The following APBA2 variants were observed in gnomAD, a reference collection of about 807,000 sequenced individuals.
APBA2 encodes amyloid beta precursor protein binding family A member 2.
A neutral mutation model predicts 75.0 loss-of-function variants in APBA2; 30 were observed. The ratio of observed to expected loss-of-function variants is 0.40; its 90% CI spans 0.30 to 0.54. The LOEUF (loss-of-function observed/expected upper bound fraction) is 0.54. Among genes scored for constraint, APBA2 ranks in the 20% least tolerant of loss-of-function variants. The pLI, the probability that APBA2 is intolerant of heterozygous loss-of-function variation, is 0.49. For missense variants in APBA2, 801 were observed against 1,016.1 expected, an observed-to-expected ratio of 0.79 and a Z score of 2.88; for synonymous variants, 444 against 409.6, an observed-to-expected ratio of 1.08 and a Z score of -1.01.
chr15:29,042,844 C>G (rs2041119978), intron 3 of APBA2, among the ~76,000 whole-genome samples: 2 of 152,096 alleles, frequency 1.3e-5, no homozygotes, highest in Admixed American at 6.5e-5. Flanking sequence ...CAGTGTACTT[C>G]TTTGCACGGG....
intron 2 of APBA2, among the ~76,000 whole-genome samples, chr15:28,949,137 A>C (rs1293437338): frequency 1.3e-5 from 2 of 151,744 alleles, no homozygotes; most frequent in Non-Finnish European, 2.9e-5. Context: ...GGAATCAATC[A>C]CCCGGACAGG....
chr15:28,887,300 C>T (rs1055945586), intron 1 of APBA2, among the ~76,000 whole-genome samples: 1 of 152,144 alleles, frequency 6.6e-6, no homozygotes, highest in African/African-American at 2.4e-5. Flanking sequence ...ACCTCCTGTG[C>T]CTCTTTCTGT....
At position 29,091,964 on chromosome 15, in the gene APBA2, G is replaced by A. The variant is rs570821281; in HGVS notation, c.1070-1111G>A. On this transcript the variant is annotated intron_variant, in intron 6 of 14. Coordinates refer to ENST00000683413, the MANE Select transcript of APBA2 (RefSeq NM_001353788.2). Reference sequence around the variant, plus strand: ...CCAGTGGAAGGGGCTCTGGCCAGGAGGTGGGCAGTCGGGAGGGATAAAGCA... The same window carrying A: ...CCAGTGGAAGGGGCTCTGGCCAGGAAGTGGGCAGTCGGGAGGGATAAAGCA... 5.3e-5 allele frequency among the ~76,000 whole-genome samples: 8 copies of A among 152,332 alleles called. No individual in the cohort carries two copies. In the East Asian group the frequency reaches 1.5e-3, roughly 29 times the overall value.
chr15:28,947,344 C>T (rs577136731), intron 2 of APBA2, among the ~76,000 whole-genome samples: 14 of 152,286 alleles, frequency 9.2e-5, no homozygotes, highest in Admixed American at 5.9e-4. Flanking sequence ...GCTGACTGGC[C>T]GTCCTCGTGG....
intron 10 of APBA2, among the ~76,000 whole-genome samples, chr15:29,104,023 C>G (rs1036368029): frequency 3.3e-5 from 5 of 152,230 alleles, no homozygotes; most frequent in Non-Finnish European, 7.3e-5. Context: ...CGGCTTAGGG[C>G]CCGTCAGGGA....
At chr15:28,985,359 A>T (rs1022971008) in intron 2 of APBA2, among the ~76,000 whole-genome samples, 1 of 152,162 alleles carries the variant, frequency 6.6e-6, no homozygotes, top group Non-Finnish European at 1.5e-5. Flanking sequence ...GGCAGTGAAT[A>T]ATGAGAACAA....
intron 1 of APBA2, among the ~76,000 whole-genome samples, chr15:28,893,695 A>G (rs1181257926): frequency 6.6e-6 from 1 of 152,060 alleles, no homozygotes; most frequent in Non-Finnish European, 1.5e-5. Flanking sequence ...ATCGTTTTGC[A>G]GGTTGGATGT....
intron 3 of APBA2, among the ~76,000 whole-genome samples, chr15:29,012,381 A>G (rs1384205297): frequency 2.6e-5 from 4 of 152,142 alleles, no homozygotes; most frequent in Non-Finnish European, 4.4e-5. Context: ...TCATGGTTCA[A>G]TAGGGGCTAT....
At chr15:28,952,750 C>A (rs1260997596) in intron 2 of APBA2, among the ~76,000 whole-genome samples, 1 of 152,086 alleles carries the variant, frequency 6.6e-6, no homozygotes, top group African/African-American at 2.4e-5. Flanking sequence ...GAAATGATAC[C>A]TTACTGTGTT....
At chr15:28,984,692 C>A (rs556449070) in intron 2 of APBA2, among the ~76,000 whole-genome samples, 1 of 151,566 alleles carries the variant, frequency 6.6e-6, no homozygotes. Flanking sequence ...TCTGTCTATC[C>A]CTATCTCTCC....
chr15:28,982,366 C>A (rs566862575), intron 2 of APBA2, among the ~76,000 whole-genome samples: 2 of 152,302 alleles, frequency 1.3e-5, no homozygotes, highest in South Asian at 4.1e-4. Flanking sequence ...GTTTCCTTAT[C>A]CATTAAGACA....
chr15:28,954,653 C>T (rs78969469), intron 2 of APBA2, among the ~76,000 whole-genome samples: 4,640 of 152,254 alleles, frequency 0.03, 251 homozygotes, highest in African/African-American at 0.11. Flanking sequence ...CAGCCCTGGG[C>T]TCACAGTCCT....
At position 28,991,757 on chromosome 15, in the gene APBA2, C is replaced by A. The variant is rs1381872278; in HGVS notation, c.-94-3996C>A. 6.6e-6 allele frequency among the ~76,000 whole-genome samples: 1 copy of A among 152,162 alleles called. No homozygotes were observed. The highest frequency in any genetic ancestry group is 1.9e-4 in the East Asian group (1 of 5,190). ...GGTGCTCAGCACAGACCCCTTCCAA[C>A]CCATCCCAGGGCCTCTGCTCAGTGT... On this transcript the variant is annotated intron_variant, in intron 2 of 14. Coordinates refer to ENST00000683413, the MANE Select transcript of APBA2 (RefSeq NM_001353788.2). The surrounding 1 kb of genome is among the most constrained non-coding windows in gnomAD (Gnocchi z 4.7).
At chr15:28,907,228 C>T (rs2152642183) in intron 1 of APBA2, among the ~76,000 whole-genome samples, 1 of 152,256 alleles carries the variant, frequency 6.6e-6, no homozygotes, top group South Asian at 2.1e-4. Flanking sequence ...AGCCTAATTT[C>T]CTAGTCAGCC....
rs10152783 is a variant in APBA2, at chr15:29,069,962, G to A, written c.952-4959G>A. Among the ~76,000 whole-genome samples the A allele has an allele frequency of 9.5e-3, 1,455 of 152,368 alleles. 30 individuals carry two copies. Among genetic ancestry groups the A allele is most frequent in the African/African-American group, 0.034 (1,404 of 41,594 alleles). ...AACAATGAAGTGGAGGACGTGTGCA[G>A]GTGGCCCCAGTGGTCGGTGATGGAG... is the stretch of plus-strand genomic sequence containing the variant. On this transcript the variant is annotated intron_variant, in intron 4 of 14. Transcript: ENST00000683413.
At chr15:28,893,534 C>T (rs984111797) in intron 1 of APBA2, among the ~76,000 whole-genome samples, 7 of 152,210 alleles carry the variant, frequency 4.6e-5, no homozygotes, top group East Asian at 1.9e-4. Context: ...CTGATTGTCT[C>T]GGGAATGGCA....
At chr15:28,922,633 C>G (rs916212500) in intron 2 of APBA2, among the ~76,000 whole-genome samples, 1 of 152,190 alleles carries the variant, frequency 6.6e-6, no homozygotes, top group Non-Finnish European at 1.5e-5. Context: ...TTCTGACACA[C>G]TGCTCTCCCT....
chr15:28,900,779 CT>C (rs2032802709), intron 1 of APBA2, among the ~76,000 whole-genome samples: 3 of 152,214 alleles, frequency 2.0e-5, no homozygotes, highest in Admixed American at 2.0e-4. Flanking sequence ...TCTCTTGTGT[CT>C]CTGTCCTGTG....
intron 1 of APBA2, among the ~76,000 whole-genome samples, chr15:28,902,781 C>T (rs1276701432): frequency 6.6e-6 from 1 of 152,078 alleles, no homozygotes; most frequent in Non-Finnish European, 1.5e-5. Flanking sequence ...CCACCATGTC[C>T]CTGGTGGTGG....
Sources: gnomAD v4.1 joint callset for allele counts (sites outside exome capture counted in the v4.1 genomes callset) on GRCh38, gnomAD v4.1.1 for gene constraint, Gnocchi (gnomAD v3.1) non-coding constraint, MANE v1.5 for transcripts, NCBI Gene and HGNC (gene_info 2026-07-23, HGNC 2026-07-21) for gene names.